Variants in MYO16 observed in about 807,000 individuals in gnomAD.
MYO16 encodes myosin XVI.
In MYO16, 94 loss-of-function variants were observed where a neutral mutation model predicts 205.3. The ratio of observed to expected loss-of-function variants is 0.46; its 90% CI spans 0.39 to 0.54. MYO16 has a LOEUF of 0.54. MYO16 is among the 20% of genes least tolerant of loss of function. The probability of loss-of-function intolerance (pLI) is 0.00; values close to 1 mark genes in which losing one functional copy is unlikely to be tolerated. For missense variants in MYO16, 2,315 were observed against 2,387.5 expected, an observed-to-expected ratio of 0.97 and a Z score of 0.63; for synonymous variants, 988 against 954.0, an observed-to-expected ratio of 1.04 and a Z score of -0.66.
chr13:109,050,348 A>T (rs545605801), intron 24 of MYO16, among the ~76,000 whole-genome samples: 3 of 152,098 alleles, frequency 2.0e-5, no homozygotes, highest in African/African-American at 7.2e-5. Flanking sequence ...GAAGCAGGTT[A>T]TGAATTTTTG....
intron 15 of MYO16, 100 bp downstream of exon 15, chr13:108,898,233 C>T (rs1415877266): frequency 2.3e-6 from 2 of 888,320 alleles, no homozygotes; most frequent in Non-Finnish European, 3.7e-6. Flanking sequence ...TGAATCAATG[C>T]TGGGAGAGAA....
At chr13:108,992,083 A>G (rs899371018) in intron 20 of MYO16, among the ~76,000 whole-genome samples, 2 of 152,206 alleles carry the variant, frequency 1.3e-5, no homozygotes, top group Non-Finnish European at 2.9e-5. Flanking sequence ...CAAACTATGC[A>G]TTGGACAAAG....
At chr13:109,022,060 A>G (rs1218216036) in intron 23 of MYO16, among the ~76,000 whole-genome samples, 1 of 148,918 alleles carries the variant, frequency 6.7e-6, no homozygotes, top group Non-Finnish European at 1.5e-5. Context: ...ATTTTTATGT[A>G]TATAAAATGT....
chr13:109,198,275 G>A (rs1430174821), intron 34 of MYO16, among the ~76,000 whole-genome samples: 1 of 151,930 alleles, frequency 6.6e-6, no homozygotes, highest in African/African-American at 2.4e-5. Context: ...ATATATAAAC[G>A]CAAATAAATT....
intron 33 of MYO16, among the ~76,000 whole-genome samples, chr13:109,167,886 A>C (rs1254899340): frequency 6.6e-6 from 1 of 152,182 alleles, no homozygotes; most frequent in South Asian, 2.1e-4. Context: ...ATTTTTAGGA[A>C]AAAAAATAAA....
At chr13:108,534,399 G>A in the MYO16 span, among the ~76,000 whole-genome samples, 2 of 152,070 alleles carry the variant, frequency 1.3e-5, no homozygotes, top group Admixed American at 6.6e-5. Context: ...GAAACCCAGT[G>A]CTCAGAGAAT....
chr13:108,702,599 A>ATAAACAGCACTTGGAAGT (rs1282105729), intron 2 of MYO16, among the ~76,000 whole-genome samples: 22 of 152,334 alleles, frequency 1.4e-4, no homozygotes, highest in African/African-American at 5.3e-4. Flanking sequence ...TGCATAAAAG[A>ATAAACAGCACTTGGAAGT]TAAACAGCAC....
At chr13:109,049,823 T>C (rs1454773228) in intron 24 of MYO16, among the ~76,000 whole-genome samples, 1 of 152,106 alleles carries the variant, frequency 6.6e-6, no homozygotes, top group Non-Finnish European at 1.5e-5. Context: ...CTCCCAGGTA[T>C]CCTCTTCCCA....
At chr13:109,010,397 G>A (rs573257558) in intron 22 of MYO16, among the ~76,000 whole-genome samples, 2 of 152,214 alleles carry the variant, frequency 1.3e-5, no homozygotes, top group Admixed American at 1.3e-4. Flanking sequence ...ACAAGATTTT[G>A]TTTTTAATTT....
intron 33 of MYO16, among the ~76,000 whole-genome samples, chr13:109,170,962 A>G (rs1206810920): frequency 1.3e-5 from 2 of 152,196 alleles, no homozygotes; most frequent in Non-Finnish European, 2.9e-5. Flanking sequence ...TGAAAATCTC[A>G]AGAGTTATGC....
chr13:109,127,390 T>G lies in MYO16; in HGVS notation c.3891T>G (p.Pro1297=). 5.6e-6 allele frequency: 9 copies of G among 1,614,034 alleles called. No homozygotes were observed. The highest frequency in any genetic ancestry group is 7.6e-6 in the Non-Finnish European group (9 of 1,179,994). Residue 1297 remains proline (P), a synonymous_variant, in exon 31 of 35, where the codon CCT becomes CCG. Transcript: ENST00000457511. The surrounding 1 kb of genome is among the most constrained non-coding windows in gnomAD (Gnocchi z 4.2). ...QCLVGPSIWS[P]SLHSVFSMDD... is the part of the protein sequence containing the mutation. ...TCGTTGGCCCGTCCATCTGGTCTCC[T>G]TCGCTGCACTCGGTGTTCAGCATGG...
intron 21 of MYO16, among the ~76,000 whole-genome samples, chr13:109,008,254 CTG>C (rs1294455327): frequency 6.6e-6 from 1 of 152,210 alleles, no homozygotes; most frequent in East Asian, 1.9e-4. Context: ...CAATCTGAAA[CTG>C]TGTCATTGAA....
At chr13:108,922,293 C>T (rs1881779125) in intron 16 of MYO16, among the ~76,000 whole-genome samples, 1 of 152,108 alleles carries the variant, frequency 6.6e-6, no homozygotes. Flanking sequence ...CCTGGGAGGC[C>T]TGTTGGGTGG....
chr13:108,929,182 A>G (rs1350840332), intron 16 of MYO16, among the ~76,000 whole-genome samples: 1 of 152,248 alleles, frequency 6.6e-6, no homozygotes, highest in African/African-American at 2.4e-5. Flanking sequence ...GAAGGAGCCA[A>G]ACTCAGGAAG....
chr13:108,866,474 A>G (rs1226073714), intron 12 of MYO16, among the ~76,000 whole-genome samples: 1 of 152,242 alleles, frequency 6.6e-6, no homozygotes, highest in East Asian at 1.9e-4. Context: ...GTTTATGACT[A>G]TAGCCATTAG....
At chr13:109,204,857 C>T (rs1880535740) in intron 34 of MYO16, among the ~76,000 whole-genome samples, 1 of 152,112 alleles carries the variant, frequency 6.6e-6, no homozygotes, top group South Asian at 2.1e-4. Context: ...CGAGTTAATG[C>T]CTGGAAGGTG....
rs188311202 is a variant in MYO16, at chr13:108,818,552, A to G, written c.868-1785A>G. ...AAAGTGATTGAACTGTTAAGCAAAA[A>G]TACCATAGAAAAAATCAACAATACC... On this transcript the variant is annotated intron_variant, in intron 7 of 34. Coordinates refer to ENST00000457511, the MANE Select transcript of MYO16 (RefSeq NM_001198950.3). Among the ~76,000 whole-genome samples the G allele has an allele frequency of 4.0e-3, 616 of 152,286 alleles. 3 individuals carry two copies. The highest frequency in any genetic ancestry group is 0.014 in the African/African-American group (594 of 41,556).
At chr13:108,948,904 A>G (rs1883038657) in intron 16 of MYO16, among the ~76,000 whole-genome samples, 1 of 152,180 alleles carries the variant, frequency 6.6e-6, no homozygotes, top group East Asian at 1.9e-4. Context: ...CACCTCACAT[A>G]TATACACAAA....
At chr13:109,020,014 A>C in intron 23 of MYO16, 103 bp downstream of exon 23, 1 of 1,199,996 alleles carries the variant, frequency 8.3e-7, no homozygotes, top group Non-Finnish European at 1.2e-6. Flanking sequence ...TATTTGGATA[A>C]ATGGAAGCTG....
Sources: gnomAD v4.1 joint callset for allele counts (sites outside exome capture counted in the v4.1 genomes callset) on GRCh38, gnomAD v4.1.1 for gene constraint, Gnocchi (gnomAD v3.1) non-coding constraint, MANE v1.5 for transcripts, NCBI Gene and HGNC (gene_info 2026-07-23, HGNC 2026-07-21) for gene names.